Variants in PDE4D observed in about 807,000 individuals in gnomAD.
PDE4D encodes phosphodiesterase 4D, also known as 3',5'-cyclic-AMP phosphodiesterase 4D.
PDE4D carries 24 observed loss-of-function variants against 87.4 expected under a neutral mutation model. The observed-to-expected ratio is 0.27, with a 90% CI of 0.20 to 0.39. The LOEUF is 0.39. Ranked by LOEUF, PDE4D falls within the 10% of genes least tolerant of loss-of-function variation. The probability of loss-of-function intolerance (pLI) is 1.00; values close to 1 mark genes in which losing one functional copy is unlikely to be tolerated. For synonymous variants in PDE4D, 384 were observed against 383.2 expected (o/e 1.00, Z -0.02); for missense variants, 714 against 1,041.0 (o/e 0.69, Z 4.32).
At chr5:59,225,478 AT>A (rs1253544564) in intron 1 of PDE4D, among the ~76,000 whole-genome samples, 1 of 152,198 alleles carries the variant, frequency 6.6e-6, no homozygotes, top group Non-Finnish European at 1.5e-5. Context: ...TGTTTTGACT[AT>A]TCAGCCTTTT....
At chr5:60,226,488 G>T (rs995419214) in intron 1 of PDE4D, among the ~76,000 whole-genome samples, 2 of 152,120 alleles carry the variant, frequency 1.3e-5, no homozygotes, top group Admixed American at 6.6e-5. Context: ...TAATGCATGT[G>T]CCTTGACTCC....
chr5:59,823,411 A>G (rs549353138), intron 1 of PDE4D, among the ~76,000 whole-genome samples: 4 of 152,262 alleles, frequency 2.6e-5, no homozygotes, highest in Admixed American at 2.6e-4. Context: ...AACTGCCTGC[A>G]GAATGCAAGA....
intron 1 of PDE4D, among the ~76,000 whole-genome samples, chr5:59,220,735 GA>G (rs971341161): frequency 2.6e-5 from 4 of 151,142 alleles, no homozygotes; most frequent in African/African-American, 9.7e-5. Flanking sequence ...AATAAAACAA[GA>G]AGGTGATGAA....
chr5:60,276,851 A>T (rs1455291077), intron 1 of PDE4D, among the ~76,000 whole-genome samples: 1 of 151,850 alleles, frequency 6.6e-6, no homozygotes, highest in East Asian at 1.9e-4. Context: ...ATCAGATAGT[A>T]TAACTATTTC....
chr5:59,585,010 C>T (rs2153701353), intron 1 of PDE4D, among the ~76,000 whole-genome samples: 1 of 152,252 alleles, frequency 6.6e-6, no homozygotes, highest in Non-Finnish European at 1.5e-5. Context: ...ACAGAACAAG[C>T]AAGGCAATGG....
chr5:59,459,843 A>G (rs2153645530), intron 1 of PDE4D, among the ~76,000 whole-genome samples: 1 of 152,324 alleles, frequency 6.6e-6, no homozygotes, highest in Non-Finnish European at 1.5e-5. Context: ...AATACTAAAC[A>G]TTTCTACAAA....
chr5:59,301,812 T>C (rs1300031970), intron 1 of PDE4D, among the ~76,000 whole-genome samples: 1 of 152,086 alleles, frequency 6.6e-6, no homozygotes, highest in Non-Finnish European at 1.5e-5. Flanking sequence ...GTCAGGTGAC[T>C]GTCATGCAAT....
At chr5:59,170,575 A>G (rs1031902691) in intron 5 of PDE4D, among the ~76,000 whole-genome samples, 14 of 152,194 alleles carry the variant, frequency 9.2e-5, no homozygotes, top group African/African-American at 3.4e-4. Flanking sequence ...TGGTAAACCT[A>G]TCTACCTTTG....
At chr5:59,959,577 C>T (rs1759237950) in intron 3 of PDE4D, among the ~76,000 whole-genome samples, 1 of 152,114 alleles carries the variant, frequency 6.6e-6, no homozygotes, top group Non-Finnish European at 1.5e-5. Flanking sequence ...GCCATCTGAT[C>T]TTTGACAATG....
chr5:59,668,917 AGAAG>A, intron 1 of PDE4D, among the ~76,000 whole-genome samples: 1 of 70,176 alleles, frequency 1.4e-5, no homozygotes, highest in Middle Eastern at 5.7e-3. Flanking sequence ...AAGAAGAAGA[AGAAG>A]AAAGAAAGAA....
intron 2 of PDE4D, among the ~76,000 whole-genome samples, chr5:59,201,906 T>C (rs943418924): frequency 8.5e-5 from 13 of 152,134 alleles, no homozygotes; most frequent in Non-Finnish European, 1.3e-4. Flanking sequence ...TGTAAATTAA[T>C]ATATGAGTAA....
intron 1 of PDE4D, among the ~76,000 whole-genome samples, chr5:59,253,398 A>G (rs1760352614): frequency 6.6e-6 from 1 of 152,150 alleles, no homozygotes; most frequent in South Asian, 2.1e-4. Flanking sequence ...TCAGGAATAG[A>G]TTGTTAATTG....
chr5:59,803,293 G>A (rs1767358325), intron 1 of PDE4D, among the ~76,000 whole-genome samples: 1 of 149,718 alleles, frequency 6.7e-6, no homozygotes, highest in Admixed American at 6.7e-5. Context: ...CTGGGGATGG[G>A]GCCTAGAAAC....
intron 1 of PDE4D, among the ~76,000 whole-genome samples, chr5:59,634,418 A>C: frequency 6.6e-6 from 1 of 152,176 alleles, no homozygotes; most frequent in East Asian, 1.9e-4. Context: ...TCCACCACAA[A>C]TCAACAGAAT....
At chr5:59,684,932 C>T (rs1024584031) in intron 1 of PDE4D, among the ~76,000 whole-genome samples, 2 of 152,172 alleles carry the variant, frequency 1.3e-5, no homozygotes, top group Non-Finnish European at 2.9e-5. Context: ...CATGCTTTGA[C>T]GTTTCCCTCA....
intron 1 of PDE4D, among the ~76,000 whole-genome samples, chr5:60,187,203 T>A (rs1784851922): frequency 6.6e-6 from 1 of 152,146 alleles, no homozygotes; most frequent in Non-Finnish European, 1.5e-5. Context: ...GTGTATGGAT[T>A]TTTTCTAAAG....
intron 1 of PDE4D, among the ~76,000 whole-genome samples, chr5:59,440,430 C>A (rs1464984604): frequency 6.6e-6 from 1 of 152,148 alleles, no homozygotes; most frequent in Non-Finnish European, 1.5e-5. Context: ...ATAACAATTA[C>A]AACTAATATC....
At chr5:59,911,266 A>G (rs1300147208) in intron 3 of PDE4D, among the ~76,000 whole-genome samples, 5 of 152,212 alleles carry the variant, frequency 3.3e-5, no homozygotes, top group South Asian at 2.1e-4. Context: ...TAACATCACT[A>G]TTGTAAAACC....
intron 1 of PDE4D, among the ~76,000 whole-genome samples, chr5:59,424,275 G>T (rs1312516962): frequency 6.6e-6 from 1 of 152,116 alleles, no homozygotes; most frequent in African/African-American, 2.4e-5. Flanking sequence ...CCAGAAGTAG[G>T]GAGAATTAGA....
Sources: allele counts gnomAD v4.1 joint callset (sites outside exome capture counted in the v4.1 genomes callset), GRCh38; gene constraint gnomAD v4.1.1; transcripts MANE v1.5; gene names NCBI Gene and HGNC (gene_info 2026-07-23, HGNC 2026-07-21).